The following ATAT1 variants were observed in gnomAD, a reference collection of about 807,000 sequenced individuals.
ATAT1 encodes the protein alpha-tubulin N-acetyltransferase 1.
A neutral mutation model predicts 57.2 loss-of-function variants in ATAT1; 42 were observed. The observed-to-expected ratio is 0.73, with a 90% CI of 0.57 to 0.95. The LOEUF (loss-of-function observed/expected upper bound fraction) is 0.95. Among genes scored for constraint, ATAT1 ranks in the 40% least tolerant of loss-of-function variants. The pLI, the probability that ATAT1 is intolerant of heterozygous loss-of-function variation, is 0.00. For missense variants in ATAT1, 454 were observed against 523.7 expected (o/e 0.87, Z 1.30); for synonymous variants, 168 against 187.1 (o/e 0.90, Z 0.83).
chr6:30,640,567 C>CA lies in ATAT1; in HGVS notation c.581dup (p.His194GlnfsTer33). The CA allele has an allele frequency of 3.1e-6, 5 of 1,613,028 alleles. No individual in the cohort carries two copies. Among genetic ancestry groups the CA allele is most frequent in the Non-Finnish European group, 4.2e-6 (5 of 1,180,030 alleles). On this transcript the variant is annotated frameshift_variant, in exon 8 of 13. Coordinates refer to ENST00000330083, the MANE Select transcript of ATAT1 (RefSeq NM_001031722.4). LOFTEE classifies it high-confidence loss of function. ...TGCTCCCTCTCTGAGGGCAACTCGA[C>CA]ACTCTCGTGCTGCTGCAGTCGATCC... is the stretch of plus-strand genomic sequence containing the variant.
intron 10 of ATAT1, chr6:30,644,711 T>C: frequency 3.5e-6 from 3 of 868,630 alleles, no homozygotes; most frequent in South Asian, 1.1e-4. Context: ...TCATCCCTTA[T>C]TTTCCTGGGA....
chr6:30,626,911 C>G lies in ATAT1; in HGVS notation c.-293C>G. 1 of 1,608,746 alleles carries G rather than the reference C, an allele frequency of 6.2e-7. No individual in the cohort carries two copies. Among genetic ancestry groups the G allele is most frequent in the South Asian group, 1.1e-5 (1 of 90,272 alleles). On this transcript the variant is annotated 5_prime_UTR_variant, in exon 1 of 13. Transcript: ENST00000330083. ...ATGGAGTTCCCGTTCGATGTGGACGCGCTGTTCCCGGAGCGGATCACGGTG... is the reference window on the plus strand; with the variant it reads ...ATGGAGTTCCCGTTCGATGTGGACGGGCTGTTCCCGGAGCGGATCACGGTG...
chr6:30,636,564 C>T (rs1395284293), intron 6 of ATAT1, among the ~76,000 whole-genome samples: 4 of 151,224 alleles, frequency 2.6e-5, no homozygotes, highest in Non-Finnish European at 5.9e-5. Flanking sequence ...CCAGCCTGGG[C>T]GACAGAGCAA....
At chr6:30,634,851 G>GTA (rs1763721099) in intron 6 of ATAT1, among the ~76,000 whole-genome samples, 2 of 151,996 alleles carry the variant, frequency 1.3e-5, no homozygotes, top group African/African-American at 4.8e-5. Context: ...AGCCAGGCGT[G>GTA]GTGGCGGGAG....
At chr6:30,634,529 G>A (rs978427918) in intron 6 of ATAT1, among the ~76,000 whole-genome samples, 1 of 151,422 alleles carries the variant, frequency 6.6e-6, no homozygotes, top group Non-Finnish European at 1.5e-5. Flanking sequence ...AATTACAGGC[G>A]TGAGCCACCG....
intron 6 of ATAT1, among the ~76,000 whole-genome samples, chr6:30,638,073 T>A (rs1344126615): frequency 6.6e-6 from 1 of 152,008 alleles, no homozygotes; most frequent in African/African-American, 2.4e-5. Context: ...GAGACGGGGT[T>A]TCACCGTGTT....
chr6:30,646,795 C>T lies in ATAT1; in HGVS notation c.*152C>T. 8.1e-7 allele frequency: 1 copy of T among 1,228,258 alleles called. No homozygotes were observed. 76.1% of individuals were successfully genotyped at this position (1,228,258 alleles called of 1,614,324 possible). A position where few individuals can be genotyped will look rare whatever the true frequency, so the allele number is the denominator to read the frequency against. ...AGTCATTTGTATCTTTTAACCAGAC[C>T]AATAAAAGTATTTATTTTTATCACA... On this transcript the variant is annotated 3_prime_UTR_variant, in exon 13 of 13. Coordinates refer to ENST00000330083, the MANE Select transcript of ATAT1 (RefSeq NM_001031722.4).
chr6:30,645,730 G>A (rs751364400), intron 10 of ATAT1, among the ~76,000 whole-genome samples, 165 bp from the exon 11 acceptor site: 4 of 152,120 alleles, frequency 2.6e-5, no homozygotes, highest in African/African-American at 7.2e-5. Context: ...AACTTCCCCC[G>A]CCCTTTTCTG....
At position 30,631,604 on chromosome 6, in the gene ATAT1, C is replaced by T. The variant is rs577672899; in HGVS notation, c.501+3174C>T. ...GACTAGCCTAGGCAACATGGTGAAA[C>T]CCCATCTCTACAAAAAACACAAAAA... On this transcript the variant is annotated intron_variant, in intron 6 of 12. Coordinates refer to ENST00000330083, the MANE Select transcript of ATAT1 (RefSeq NM_001031722.4). Among the ~76,000 whole-genome samples, 110 of 148,644 alleles carry T rather than the reference C, an allele frequency of 7.4e-4. 1 individual carries two copies. Among genetic ancestry groups the T allele is most frequent in the African/African-American group, 2.7e-3 (110 of 40,272 alleles).
At position 30,628,146 on chromosome 6, in the gene ATAT1, G is replaced by C. The variant is rs1405384104; in HGVS notation, c.399+1G>C. 1 of 1,611,346 alleles carries C rather than the reference G, an allele frequency of 6.2e-7. No homozygotes were observed. Among genetic ancestry groups the C allele is most frequent in the South Asian group, 1.1e-5 (1 of 91,050 alleles). ...AGAACTCTTCCAGTATATGTTGCAG[G>C]TATCACTGACCTCTTCACTGGTTCA... On this transcript the variant is annotated splice_donor_variant, in intron 5 of 12. Coordinates refer to ENST00000330083, the MANE Select transcript of ATAT1 (RefSeq NM_001031722.4). LOFTEE classifies it high-confidence loss of function.
intron 6 of ATAT1, among the ~76,000 whole-genome samples, chr6:30,631,448 C>T (rs1762852518): frequency 6.6e-6 from 1 of 151,834 alleles, no homozygotes; most frequent in African/African-American, 2.4e-5. Context: ...GCACTCCAGC[C>T]TGGGTGACAG....
chr6:30,628,383 C>T lies in ATAT1; in HGVS notation c.454C>T (p.Leu152=), dbSNP rs140229022. 1.9e-6 allele frequency: 3 copies of T among 1,612,966 alleles called. No homozygotes were observed. Among genetic ancestry groups the T allele is most frequent in the African/African-American group, 2.7e-5 (2 of 74,920 alleles). ...AATTGACCGACCCTCACAGAAGCTG[C>T]TGAAATTCCTGAATAAGCACTACAA... The change falls in exon 6 of 13, where the codon CTG becomes TTG. Residue 152 remains leucine, a synonymous_variant. Coordinates refer to ENST00000330083, the MANE Select transcript of ATAT1 (RefSeq NM_001031722.4).
intron 6 of ATAT1, among the ~76,000 whole-genome samples, chr6:30,637,886 G>A (rs2127528628): frequency 6.6e-6 from 1 of 152,286 alleles, no homozygotes; most frequent in East Asian, 1.9e-4. Context: ...TGAGGCAGGA[G>A]AATCGCTTGA....
chr6:30,644,951 C>T (rs888380901), intron 10 of ATAT1, among the ~76,000 whole-genome samples: 1 of 152,170 alleles, frequency 6.6e-6, no homozygotes, highest in Non-Finnish European at 1.5e-5. Flanking sequence ...GACTTCTACC[C>T]TTTACTCTGG....
At chr6:30,644,755 C>A in intron 10 of ATAT1, 1 of 568,486 alleles carries the variant, frequency 1.8e-6, no homozygotes. Context: ...TTTCTCACTT[C>A]TGAGATCTGC....
rs1315673934 is a variant in ATAT1 at position 30,640,586 on chromosome 6, T to A, written c.599T>A (p.Val200Asp). The A allele has an allele frequency of 6.2e-7, 1 of 1,612,970 alleles. No individual in the cohort carries two copies. The highest frequency in any genetic ancestry group is 8.5e-7 in the Non-Finnish European group (1 of 1,180,004). Residue 200 changes from valine to aspartate, a missense_variant, in exon 8 of 13, where the codon GTC (valine) becomes GAC (aspartate). Val to Asp is a radical substitution (Grantham distance 152). Coordinates refer to ENST00000330083, the MANE Select transcript of ATAT1 (RefSeq NM_001031722.4). The stretch of plus-strand genomic sequence containing the variant: ...ACTCGACACTCTCGTGCTGCTGCAG[T>A]CGATCCCACGCCCGCTGGTAAAGCC...
At position 30,632,915 on chromosome 6, in the gene ATAT1, C is replaced by T. The variant is rs886556060; in HGVS notation, c.501+4485C>T. Among the ~76,000 whole-genome samples the T allele has an allele frequency of 7.4e-5, 11 of 148,230 alleles. No homozygotes were observed. In the Admixed American group the frequency reaches 7.5e-4, roughly 10 times the overall value. On this transcript the variant is annotated intron_variant, in intron 6 of 12. Transcript: ENST00000330083. ...TTGTGCCACTGCACTGCACTCTAGC[C>T]TGGTGACAGAGTAAGACCCCATATC...
Position 30,628,431 on chromosome 6 carries a change from G to A in ATAT1, c.501+1G>A. ...CAATCTGGAGACCACAGTCCCACAG[G>A]TTAGAGGTTTCAGAGAATAGATCCC... On this transcript the variant is annotated splice_donor_variant, in intron 6 of 12. Transcript: ENST00000330083. LOFTEE classifies it high-confidence loss of function. The A allele has an allele frequency of 6.2e-7, 1 of 1,606,324 alleles. No homozygotes were observed.
rs1212559288 is a variant in ATAT1 at position 30,628,361 on chromosome 6, T to G, written c.432T>G (p.Ile144Met). Reference sequence around the variant, plus strand: ...GAGTGGAACCGCACCAACTGGCAATTGACCGACCCTCACAGAAGCTGCTGA... The same window carrying G: ...GAGTGGAACCGCACCAACTGGCAATGGACCGACCCTCACAGAAGCTGCTGA... Residue 144 changes from isoleucine to methionine, a missense_variant, in exon 6 of 13, where the codon ATT (isoleucine) becomes ATG (methionine). By Grantham distance (10) the Ile-to-Met change is conservative. Transcript: ENST00000330083. 10 of 1,613,084 alleles carry G rather than the reference T, an allele frequency of 6.2e-6. No homozygotes were observed. Among genetic ancestry groups the G allele is most frequent in the Non-Finnish European group, 8.5e-6 (10 of 1,180,016 alleles).
Sources: gnomAD v4.1 joint callset for allele counts (sites outside exome capture counted in the v4.1 genomes callset) on GRCh38, gnomAD v4.1.1 for gene constraint, MANE v1.5 for transcripts, NCBI Gene and HGNC (gene_info 2026-07-23, HGNC 2026-07-21) for gene names.